Variants in NBEA observed in about 807,000 individuals in gnomAD.
NBEA encodes the protein neurobeachin.
In NBEA, 44 loss-of-function variants were observed where a neutral mutation model predicts 343.4. The observed-to-expected ratio is 0.13, with a 90% CI of 0.10 to 0.16. NBEA has a LOEUF of 0.16. NBEA is among the 10% of genes least tolerant of loss of function. The probability of loss-of-function intolerance (pLI) is 1.00; values close to 1 mark genes in which losing one functional copy is unlikely to be tolerated. For missense variants in NBEA, 2,555 were observed against 3,631.3 expected (o/e 0.70, Z 7.62); for synonymous variants, 1,175 against 1,238.7 (o/e 0.95, Z 1.08).
chr13:35,078,024 A>G (rs1166298898), intron 10 of NBEA, among the ~76,000 whole-genome samples: 1 of 152,178 alleles, frequency 6.6e-6, no homozygotes, highest in Non-Finnish European at 1.5e-5. Flanking sequence ...ATTTAACAGA[A>G]TACTTCATTT....
At chr13:34,986,156 T>A (rs1289836347) in intron 1 of NBEA, among the ~76,000 whole-genome samples, 2 of 150,860 alleles carry the variant, frequency 1.3e-5, no homozygotes, top group Non-Finnish European at 3.0e-5. Context: ...TTTCCTGCTT[T>A]CTCTTGTGGG....
At chr13:35,651,315 T>C (rs2084511321) in intron 52 of NBEA, among the ~76,000 whole-genome samples, 1 of 152,112 alleles carries the variant, frequency 6.6e-6, no homozygotes, top group African/African-American at 2.4e-5. Flanking sequence ...AAAGGCCCCA[T>C]TGGATGGGAG....
At chr13:35,015,795 C>T (rs1419246160) in intron 1 of NBEA, among the ~76,000 whole-genome samples, 1 of 151,970 alleles carries the variant, frequency 6.6e-6, no homozygotes, top group Non-Finnish European at 1.5e-5. Flanking sequence ...TATAAAAATA[C>T]TCTCTTCAGT....
chr13:35,315,630 C>A (rs1451129363), intron 36 of NBEA, among the ~76,000 whole-genome samples: 3 of 152,066 alleles, frequency 2.0e-5, no homozygotes, highest in Admixed American at 6.6e-5. Context: ...GAATATTCAT[C>A]AGAAAAGAAC....
At chr13:34,970,856 G>A (rs1287466302) in intron 1 of NBEA, among the ~76,000 whole-genome samples, 1 of 152,122 alleles carries the variant, frequency 6.6e-6, no homozygotes, top group Non-Finnish European at 1.5e-5. Flanking sequence ...GGCTATTCAG[G>A]CTCTTTTTTG....
rs548390535 is a variant in NBEA, at chr13:35,161,768, A to G, written c.3880A>G (p.Ile1294Val). 47 of 1,611,166 alleles carry G rather than the reference A, an allele frequency of 2.9e-5. No homozygotes were observed. Among genetic ancestry groups the G allele is most frequent in the Admixed American group, 2.5e-4 (15 of 59,710 alleles). The change falls in exon 23 of 59, where the codon ATC becomes GTC. Residue 1294 changes from isoleucine (I) to valine (V), a missense_variant. Physicochemically the swap from Ile to Val is conservative, Grantham distance 29. Around this residue, in one of 21 missense-constraint regions of NBEA, gnomAD observed 367 missense variants for 377.5 expected, o/e 0.97. Coordinates refer to ENST00000379939, the MANE Select transcript of NBEA (RefSeq NM_001385012.1). ...TTTQAVQGRS[I>V]TQQDRDLRVD... ...TCTTTAGGCTGTGCAGGGTCGGTCT[A>G]TCACCCAACAAGACCGAGATCTCCG...
chr13:35,224,893 G>A (rs2074567320), intron 33 of NBEA, among the ~76,000 whole-genome samples: 1 of 152,076 alleles, frequency 6.6e-6, no homozygotes, highest in African/African-American at 2.4e-5. Context: ...CTCTCCTTAT[G>A]CTAAGGCTTT....
chr13:35,020,787 A>G (rs903041102), intron 1 of NBEA, among the ~76,000 whole-genome samples: 1 of 152,072 alleles, frequency 6.6e-6, no homozygotes, highest in Non-Finnish European at 1.5e-5. Context: ...CCAAAGTGCT[A>G]TGATTACAGG....
At chr13:35,122,646 C>A (rs2066868695) in intron 16 of NBEA, among the ~76,000 whole-genome samples, 1 of 151,868 alleles carries the variant, frequency 6.6e-6, no homozygotes, top group African/African-American at 2.4e-5. Flanking sequence ...GTGCAGCACA[C>A]CAACATGGCA....
chr13:35,261,838 A>G (rs1411798646), intron 34 of NBEA, among the ~76,000 whole-genome samples: 1 of 152,202 alleles, frequency 6.6e-6, no homozygotes, highest in Admixed American at 6.5e-5. Context: ...ATACCCAAAT[A>G]TTTTGAAGAC....
chr13:35,279,698 C>T (rs1046766463), intron 34 of NBEA, among the ~76,000 whole-genome samples: 4 of 152,100 alleles, frequency 2.6e-5, no homozygotes, highest in African/African-American at 7.2e-5. Flanking sequence ...ACTAGGAGGT[C>T]AGGCCCAGGG....
Position 35,170,617 on chromosome 13 carries a change from A to G in NBEA, c.4243-655A>G, listed in dbSNP as rs552188116. ...GTACAGTTTTCCAATCTAGAATGCT[A>G]TGATTCTTTTTATTACTAGTGTTTT... On this transcript the variant is annotated intron_variant, in intron 25 of 58. Coordinates refer to ENST00000379939, the MANE Select transcript of NBEA (RefSeq NM_001385012.1). Among the ~76,000 whole-genome samples, 6 of 152,004 alleles carry G rather than the reference A, an allele frequency of 3.9e-5. No homozygotes were observed. In the East Asian group the frequency reaches 7.7e-4, roughly 20 times the overall value.
chr13:35,165,169 A>G (rs2069900012), intron 24 of NBEA: 1 of 528,406 alleles, frequency 1.9e-6, no homozygotes, highest in Non-Finnish European at 3.9e-6. Flanking sequence ...ATTTCATTTT[A>G]CTAAGATGTG....
chr13:35,558,695 A>G (rs1014059165), intron 44 of NBEA, among the ~76,000 whole-genome samples: 1 of 152,214 alleles, frequency 6.6e-6, no homozygotes, highest in African/African-American at 2.4e-5. Context: ...GAAGCCGGCA[A>G]CCTGCCTTTC....
intron 41 of NBEA, among the ~76,000 whole-genome samples, chr13:35,530,992 G>A (rs1047197191): frequency 2.0e-4 from 30 of 152,116 alleles, no homozygotes; most frequent in African/African-American, 5.3e-4. Context: ...GAGAAATTAC[G>A]GAAGACTGTA....
intron 49 of NBEA, among the ~76,000 whole-genome samples, chr13:35,640,303 G>A (rs868625741): frequency 6.6e-6 from 1 of 152,164 alleles, no homozygotes; most frequent in Non-Finnish European, 1.5e-5. Flanking sequence ...TAAGAGATAC[G>A]GAGGTCAAAG....
rs188753285 is a variant in NBEA, at chr13:34,949,507, G to C, written c.294+6393G>C. 5.1e-4 allele frequency among the ~76,000 whole-genome samples: 78 copies of C among 152,266 alleles called. 1 individual carries two copies. In the East Asian group the frequency reaches 0.014, roughly 28 times the overall value. On this transcript the variant is annotated intron_variant, in intron 1 of 58. Transcript: ENST00000379939. ...TGCTAGAAGGAAAATCTGCGTTATG[G>C]AGGCTAATAAGTGAGATCTTCTGAG...
intron 31 of NBEA, among the ~76,000 whole-genome samples, chr13:35,198,654 C>T (rs1261811698): frequency 6.6e-6 from 1 of 151,890 alleles, no homozygotes; most frequent in African/African-American, 2.4e-5. Flanking sequence ...AATGGAAGAG[C>T]ACAAAGCATA....
intron 54 of NBEA, 85 bp from the exon 55 acceptor site, chr13:35,655,494 T>C: frequency 7.3e-7 from 1 of 1,362,288 alleles, no homozygotes; most frequent in Non-Finnish European, 9.9e-7. Context: ...ATGGTAAAAT[T>C]TTTTAAAAAA....
Sources: allele counts gnomAD v4.1 joint callset (sites outside exome capture counted in the v4.1 genomes callset), GRCh38; gene constraint gnomAD v4.1.1; regional missense constraint gnomAD v4.1.1; transcripts MANE v1.5; gene names NCBI Gene and HGNC (gene_info 2026-07-23, HGNC 2026-07-21).